TSPAN7: variants seen among roughly 807,000 people sequenced by gnomAD.
The protein encoded by TSPAN7 is tetraspanin-7.
A neutral mutation model predicts 17.6 loss-of-function variants in TSPAN7; 1 was observed. The observed-to-expected ratio is 0.06, with a 90% CI of 0.02 to 0.27. The LOEUF (loss-of-function observed/expected upper bound fraction) is 0.27. Ranked by LOEUF, TSPAN7 falls within the 10% of genes least tolerant of loss-of-function variation. The probability of loss-of-function intolerance (pLI) is 1.00; values close to 1 mark genes in which losing one functional copy is unlikely to be tolerated. For missense variants in TSPAN7, 112 were observed against 201.7 expected, an observed-to-expected ratio of 0.56 and a Z score of 2.69; for synonymous variants, 78 against 79.0, an observed-to-expected ratio of 0.99 and a Z score of 0.07.
chrX:38,590,039 C>A (rs1361585091), intron 1 of TSPAN7, among the ~76,000 whole-genome samples: 1 of 112,837 alleles, frequency 8.9e-6, no homozygotes, highest in Non-Finnish European at 1.9e-5. Flanking sequence ...TAACCCCTTG[C>A]ATTTCTGCAA....
At chrX:38,684,592 A>G (rs913660884) in intron 6 of TSPAN7, among the ~76,000 whole-genome samples, 1 of 111,137 alleles carries the variant, frequency 9.0e-6, no homozygotes, top group African/African-American at 3.3e-5. Context: ...TTATTGTTCA[A>G]TTTGTGACAT....
intron 1 of TSPAN7, among the ~76,000 whole-genome samples, chrX:38,597,622 T>G (rs1011138472): frequency 3.6e-5 from 4 of 111,492 alleles, no homozygotes; most frequent in African/African-American, 1.3e-4. Context: ...ACAAAAATGT[T>G]GTGACCAGAG....
intron 1 of TSPAN7, among the ~76,000 whole-genome samples, chrX:38,629,716 A>G (rs1009475090): frequency 6.3e-5 from 7 of 111,641 alleles, no homozygotes; most frequent in African/African-American, 2.3e-4. Context: ...AAGTATGGCT[A>G]ACATTGCATG....
At chrX:38,585,493 C>T (rs751324471) in intron 1 of TSPAN7, among the ~76,000 whole-genome samples, 10 of 111,671 alleles carry the variant, frequency 9.0e-5, no homozygotes, top group Non-Finnish European at 1.5e-4. Flanking sequence ...TAATAAATTA[C>T]ATTTTTAAGA....
At chrX:38,594,723 G>T (rs2069309620) in intron 1 of TSPAN7, among the ~76,000 whole-genome samples, 1 of 111,666 alleles carries the variant, frequency 9.0e-6, no homozygotes, top group Non-Finnish European at 1.9e-5. Flanking sequence ...TTGTTTTTAT[G>T]CAAGTAAAAA....
chrX:38,578,371 C>T (rs931557199), intron 1 of TSPAN7, among the ~76,000 whole-genome samples: 13 of 111,778 alleles, frequency 1.2e-4, no homozygotes, highest in African/African-American at 3.6e-4. Context: ...TAAAGGTTCT[C>T]CTACAGGGTA....
chrX:38,583,552 CAAT>C (rs1451629395), intron 1 of TSPAN7, among the ~76,000 whole-genome samples: 3 of 111,911 alleles, frequency 2.7e-5, no homozygotes, highest in African/African-American at 9.7e-5. Flanking sequence ...GGAAAATAGA[CAAT>C]AAACAAGAAA....
At chrX:38,581,233 T>A (rs960762080) in intron 1 of TSPAN7, among the ~76,000 whole-genome samples, 1 of 112,519 alleles carries the variant, frequency 8.9e-6, no homozygotes, top group Non-Finnish European at 1.9e-5. Context: ...TTTCAAAGGT[T>A]TGACTCTTGT....
intron 5 of TSPAN7, among the ~76,000 whole-genome samples, chrX:38,679,766 GA>G (rs1193509693): frequency 1.8e-5 from 2 of 111,047 alleles, no homozygotes; most frequent in African/African-American, 6.5e-5. Context: ...AAAAATGTGT[GA>G]TATATAGTCT....
rs181609912 is a variant in TSPAN7 at position 38,650,160 on chromosome X, G to A, written c.82-15961G>A. Among the ~76,000 whole-genome samples the A allele has an allele frequency of 2.7e-5, 3 of 111,910 alleles. No individual in the cohort carries two copies. The East Asian group carries it at 8.5e-4, about 32-fold the overall frequency. ...GACTATAGGGAAGGGTAGCTCCTTT[G>A]GCTTCCTGTCCCAGGAAGTGCCAGC... On this transcript the variant is annotated intron_variant, in intron 1 of 7. Coordinates refer to ENST00000378482, the MANE Select transcript of TSPAN7 (RefSeq NM_004615.4).
At chrX:38,639,187 T>C (rs1315564425) in intron 1 of TSPAN7, among the ~76,000 whole-genome samples, 1 of 111,018 alleles carries the variant, frequency 9.0e-6, no homozygotes, top group Non-Finnish European at 1.9e-5. Flanking sequence ...GGGCATTTAG[T>C]GTTAGTCACA....
chrX:38,593,600 G>A (rs1181974725), intron 1 of TSPAN7, among the ~76,000 whole-genome samples: 2 of 112,389 alleles, frequency 1.8e-5, no homozygotes. Context: ...ATTAGGCTAT[G>A]AGAGCTCTGC....
At chrX:38,658,661 TC>T (rs2069719949) in intron 1 of TSPAN7, among the ~76,000 whole-genome samples, 1 of 111,324 alleles carries the variant, frequency 9.0e-6, no homozygotes, top group Admixed American at 9.6e-5. Flanking sequence ...TCCTTGAACT[TC>T]CCACCATCTT....
At chrX:38,570,044 C>T (rs1225658607) in intron 1 of TSPAN7, among the ~76,000 whole-genome samples, 2 of 111,974 alleles carry the variant, frequency 1.8e-5, no homozygotes, top group South Asian at 3.7e-4. Context: ...TGGTCATCAG[C>T]GACTGGACAA....
At chrX:38,619,924 A>G (rs1234933210) in intron 1 of TSPAN7, among the ~76,000 whole-genome samples, 1 of 112,556 alleles carries the variant, frequency 8.9e-6, no homozygotes, top group Non-Finnish European at 1.9e-5. Flanking sequence ...TTCCTAATTT[A>G]AACATAATGT....
At chrX:38,654,826 G>A (rs1017508650) in intron 1 of TSPAN7, among the ~76,000 whole-genome samples, 1 of 112,444 alleles carries the variant, frequency 8.9e-6, no homozygotes, top group Non-Finnish European at 1.9e-5. Context: ...GGTGATAGGT[G>A]CAGTGGCGAA....
At chrX:38,592,633 T>C (rs2069298189) in intron 1 of TSPAN7, among the ~76,000 whole-genome samples, 1 of 111,291 alleles carries the variant, frequency 9.0e-6, no homozygotes, top group Non-Finnish European at 1.9e-5. Flanking sequence ...ACCTTGCTTA[T>C]AGTCTATGAA....
rs11541008 is a variant in TSPAN7, at chrX:38,666,252, C to T, written c.213C>T (p.Val71=). The change falls in exon 2 of 8, where the codon GTC becomes GTT. Residue 71 remains valine, a synonymous_variant. Transcript: ENST00000378482. ...VLIGTGTTIV[V]FGLFGCFATC... ...TCGGAACTGGCACCACTATTGTTGT[C>T]TTTGGCCTGTTTGGATGCTTTGCTA... 1 of 1,211,889 alleles carries T rather than the reference C, an allele frequency of 8.3e-7. No individual in the cohort carries two copies. Among genetic ancestry groups the T allele is most frequent in the Non-Finnish European group, 1.1e-6 (1 of 895,572 alleles).
intron 1 of TSPAN7, among the ~76,000 whole-genome samples, chrX:38,631,002 G>A (rs1016828972): frequency 1.8e-5 from 2 of 112,014 alleles, no homozygotes; most frequent in Non-Finnish European, 1.9e-5. Context: ...CTTTAAATTG[G>A]ATAGCAAATG....
Sources: allele counts gnomAD v4.1 joint callset (sites outside exome capture counted in the v4.1 genomes callset), GRCh38; gene constraint gnomAD v4.1.1; transcripts MANE v1.5; gene names NCBI Gene and HGNC (gene_info 2026-07-23, HGNC 2026-07-21).